Variants in FRMD4A observed in about 807,000 individuals in gnomAD.
FRMD4A encodes FERM domain-containing protein 4A.
A neutral mutation model predicts 129.1 loss-of-function variants in FRMD4A; 29 were observed. That is an observed-to-expected ratio of 0.22 (90% CI 0.17 to 0.31). The LOEUF is 0.31. FRMD4A is among the 10% of genes least tolerant of loss of function. The pLI is 1.00. For synonymous variants in FRMD4A, 634 were observed against 571.6 expected, an observed-to-expected ratio of 1.11 and a Z score of -1.56; for missense variants, 1,272 against 1,375.8, an observed-to-expected ratio of 0.92 and a Z score of 1.19.
At chr10:14,213,491 G>A (rs957384766) in intron 2 of FRMD4A, among the ~76,000 whole-genome samples, 4 of 152,154 alleles carry the variant, frequency 2.6e-5, no homozygotes, top group Admixed American at 6.6e-5. Context: ...CGGTATTCAA[G>A]CTCTGGTCCA....
chr10:13,730,659 T>G (rs990918414), intron 12 of FRMD4A, among the ~76,000 whole-genome samples: 11 of 151,988 alleles, frequency 7.2e-5, no homozygotes, highest in Admixed American at 5.2e-4. Context: ...CCCACACATA[T>G]GCACATGCTA....
chr10:14,327,247 A>G (rs531998371), intron 2 of FRMD4A, among the ~76,000 whole-genome samples: 1 of 152,260 alleles, frequency 6.6e-6, no homozygotes, highest in Non-Finnish European at 1.5e-5. Flanking sequence ...TCAGCTAATA[A>G]TATGAAACAT....
At chr10:14,025,299 C>CTT (rs11422286) in intron 2 of FRMD4A, among the ~76,000 whole-genome samples, 2,374 of 147,646 alleles carry the variant, frequency 0.016, 68 homozygotes, top group African/African-American at 0.056. Flanking sequence ...CCAAAGTTTG[C>CTT]TTTTTTTTTT....
At chr10:13,933,786 G>A (rs919859759) in intron 2 of FRMD4A, among the ~76,000 whole-genome samples, 6 of 152,196 alleles carry the variant, frequency 3.9e-5, no homozygotes, top group African/African-American at 1.4e-4. Flanking sequence ...CTGGGACACA[G>A]ATAGAAAGGA....
intron 15 of FRMD4A, among the ~76,000 whole-genome samples, chr10:13,677,840 T>C (rs926043987): frequency 6.6e-6 from 1 of 152,202 alleles, no homozygotes; most frequent in Non-Finnish European, 1.5e-5. Context: ...AAAACAATAC[T>C]GGAAGGAAGT....
At chr10:14,140,058 A>ATATTT (rs750509425) in intron 2 of FRMD4A, among the ~76,000 whole-genome samples, 48 of 152,088 alleles carry the variant, frequency 3.2e-4, no homozygotes, top group Non-Finnish European at 5.4e-4. Context: ...TTTATTGTAC[A>ATATTT]TATTTTATTT....
intron 12 of FRMD4A, among the ~76,000 whole-genome samples, chr10:13,729,714 C>A (rs528807537): frequency 2.5e-4 from 38 of 152,288 alleles, no homozygotes; most frequent in Non-Finnish European, 4.7e-4. Flanking sequence ...CCTAATGCCT[C>A]AGAGGGGACC....
At chr10:14,275,265 G>A (rs1385047060) in intron 2 of FRMD4A, among the ~76,000 whole-genome samples, 3 of 152,300 alleles carry the variant, frequency 2.0e-5, no homozygotes, top group South Asian at 2.1e-4. Context: ...CAGTAACAGC[G>A]ATTGCCAGAA....
At position 13,836,093 on chromosome 10, in the gene FRMD4A, G is replaced by T. The variant is rs1295956207; in HGVS notation, c.111+22754C>A. 3.3e-5 allele frequency among the ~76,000 whole-genome samples: 5 copies of T among 152,198 alleles called. No individual in the cohort carries two copies. In the South Asian group the frequency reaches 8.3e-4, roughly 25 times the overall value. ...GCTCACTGCAGCCTCTGCCTCCCGG[G>T]TTCAAGGGATTCTCCTGCTTCAGCC... On this transcript the variant is annotated intron_variant, in intron 3 of 24. Coordinates refer to ENST00000357447, the MANE Select transcript of FRMD4A (RefSeq NM_018027.5).
intron 14 of FRMD4A, among the ~76,000 whole-genome samples, 180 bp from the exon 15 acceptor site, chr10:13,694,219 C>A (rs775932927): frequency 7.2e-5 from 11 of 152,194 alleles, no homozygotes; most frequent in Non-Finnish European, 1.5e-5. Context: ...AAACTCTCTG[C>A]GAAGAGCAGA....
chr10:13,909,486 A>G (rs1423860796), intron 2 of FRMD4A, among the ~76,000 whole-genome samples: 1 of 152,250 alleles, frequency 6.6e-6, no homozygotes, highest in Non-Finnish European at 1.5e-5. Flanking sequence ...TTTTTGAGTC[A>G]ACAGTTGAGA....
Position 14,330,144 on chromosome 10 carries a change from C to T in FRMD4A, c.-42G>A, listed in dbSNP as rs374585565. The T allele has an allele frequency of 3.2e-5, 50 of 1,547,646 alleles. No individual in the cohort carries two copies. Among genetic ancestry groups the T allele is most frequent in the Non-Finnish European group, 4.1e-5 (47 of 1,144,300 alleles). On this transcript the variant is annotated 5_prime_UTR_variant, in exon 2 of 25. Coordinates refer to ENST00000357447, the MANE Select transcript of FRMD4A (RefSeq NM_018027.5). Reference sequence around the variant, plus strand: ...GCACGAATCCTGCTGCCGAGTCAGTCCTCCTGGGCCCCGGGTGGCTACAGA... The same window carrying T: ...GCACGAATCCTGCTGCCGAGTCAGTTCTCCTGGGCCCCGGGTGGCTACAGA...
chr10:14,208,482 C>G (rs1454128595), intron 2 of FRMD4A, among the ~76,000 whole-genome samples: 1 of 152,068 alleles, frequency 6.6e-6, no homozygotes, highest in Non-Finnish European at 1.5e-5. Flanking sequence ...TAGTTAGTCC[C>G]AAGAGCCAGA....
At chr10:14,081,459 A>G (rs1835923543) in intron 2 of FRMD4A, among the ~76,000 whole-genome samples, 3 of 152,178 alleles carry the variant, frequency 2.0e-5, no homozygotes, top group Non-Finnish European at 4.4e-5. Flanking sequence ...ACTCCTGTGC[A>G]GTGGCAGAAT....
At chr10:13,849,966 C>T (rs1180748349) in intron 3 of FRMD4A, among the ~76,000 whole-genome samples, 3 of 151,316 alleles carry the variant, frequency 2.0e-5, no homozygotes, top group Non-Finnish European at 3.0e-5. Flanking sequence ...ATCAGGAGTT[C>T]GAGACCAGCC....
At chr10:13,746,361 A>G (rs1182475931) in intron 9 of FRMD4A, among the ~76,000 whole-genome samples, 1 of 151,938 alleles carries the variant, frequency 6.6e-6, no homozygotes, top group Admixed American at 6.6e-5. Flanking sequence ...CAGGCGCGCG[A>G]CATCATGTCC....
At chr10:13,699,147 C>T (rs913675690) in intron 14 of FRMD4A, among the ~76,000 whole-genome samples, 11 of 149,626 alleles carry the variant, frequency 7.4e-5, no homozygotes, top group Middle Eastern at 3.4e-3. Context: ...CCTCTGCCTC[C>T]TGGGTTCAAG....
At chr10:14,217,787 A>G (rs966944921) in intron 2 of FRMD4A, among the ~76,000 whole-genome samples, 20 of 151,970 alleles carry the variant, frequency 1.3e-4, no homozygotes, top group African/African-American at 4.6e-4. Flanking sequence ...GTAGGCTGGC[A>G]GGGTCTCCAC....
chr10:14,099,542 T>C (rs774801175), intron 2 of FRMD4A, among the ~76,000 whole-genome samples: 16 of 152,120 alleles, frequency 1.1e-4, no homozygotes, highest in Non-Finnish European at 1.6e-4. Flanking sequence ...AGAACTCCTA[T>C]ACGAAAGTTG....
Sources: gnomAD v4.1 joint callset for allele counts (sites outside exome capture counted in the v4.1 genomes callset) on GRCh38, gnomAD v4.1.1 for gene constraint, MANE v1.5 for transcripts, NCBI Gene and HGNC (gene_info 2026-07-23, HGNC 2026-07-21) for gene names.